Variants in IAH1 observed in about 807,000 individuals in gnomAD.
IAH1 encodes isoamyl acetate-hydrolyzing esterase 1 homolog.
A neutral mutation model predicts 26.7 loss-of-function variants in IAH1; 24 were observed. The ratio of observed to expected loss-of-function variants is 0.90; its 90% CI spans 0.65 to 1.26. The LOEUF is 1.26. Among genes scored for constraint, IAH1 ranks in the 50% most tolerant of loss-of-function variants. The pLI is 0.00. For synonymous variants in IAH1, 140 were observed against 118.5 expected, an observed-to-expected ratio of 1.18 and a Z score of -1.18; for missense variants, 300 against 299.9, an observed-to-expected ratio of 1.00 and a Z score of 0.00.
the IAH1 span, among the ~76,000 whole-genome samples, chr2:9,506,359 GTTTTTTTTTT>G: frequency 6.8e-5 from 5 of 73,208 alleles, no homozygotes; most frequent in South Asian, 4.8e-4. Flanking sequence ...CTTCAAATCT[GTTTTTTTTTT>G]TTTTTTTTTT....
the IAH1 span, chr2:9,502,318 T>C: frequency 2.0e-6 from 3 of 1,510,874 alleles, no homozygotes; most frequent in Non-Finnish European, 2.7e-6. Flanking sequence ...ATTCAAATTA[T>C]GGCCCCATAT....
At chr2:9,502,083 T>C in the IAH1 span, 2 of 1,121,784 alleles carry the variant, frequency 1.8e-6, no homozygotes, top group Non-Finnish European at 2.6e-6. Context: ...AAATAAGGTG[T>C]CTCTCATCTG....
chr2:9,505,494 G>A, the IAH1 span: 2 of 923,628 alleles, frequency 2.2e-6, no homozygotes, highest in South Asian at 3.1e-5. Context: ...TGGAGTTATG[G>A]CAAGGCCACC....
chr2:9,475,151 G>A (rs1682408996), intron 1 of IAH1: 1 of 1,286,046 alleles, frequency 7.8e-7, no homozygotes, highest in Non-Finnish European at 1.0e-6. Flanking sequence ...GAATTAGGTA[G>A]AAAAGGACCA....
At chr2:9,475,887 A>G (rs571344378) in intron 1 of IAH1, 100 bp from the exon 2 acceptor site, 85 of 976,756 alleles carry the variant, frequency 8.7e-5, no homozygotes, top group Non-Finnish European at 1.3e-4. Flanking sequence ...CAAAGCCAAG[A>G]AGGGAGCGCC....
chr2:9,499,176 C>T (rs1662836923), downstream of IAH1, among the ~76,000 whole-genome samples: 1 of 147,754 alleles, frequency 6.8e-6, no homozygotes, highest in Admixed American at 6.7e-5. Flanking sequence ...ATACTGATTC[C>T]TTATCAGGAA....
chr2:9,499,103 CT>C (rs1219981357), downstream of IAH1, among the ~76,000 whole-genome samples: 2 of 97,812 alleles, frequency 2.0e-5, no homozygotes, highest in Non-Finnish European at 4.1e-5. Flanking sequence ...TGCTTTTTTT[CT>C]TTCTTCTTCT....
At chr2:9,502,322 C>T in the IAH1 span, 1 of 1,499,700 alleles carries the variant, frequency 6.7e-7, no homozygotes, top group Admixed American at 1.7e-5. Flanking sequence ...AAATTATGGC[C>T]CCATATCAAA....
At chr2:9,491,206 T>C, downstream of IAH1, 1 of 1,517,750 alleles carries the variant, frequency 6.6e-7, no homozygotes, top group South Asian at 1.1e-5. Context: ...AGTTAGTGAG[T>C]ACTATTTCAT....
rs1661817263 is a variant in IAH1, at chr2:9,488,831, G to C, written c.*502G>C. 6.6e-6 allele frequency: 1 copy of C among 152,210 alleles called. No individual in the cohort carries two copies. The highest frequency in any genetic ancestry group is 1.5e-5 in the Non-Finnish European group (1 of 68,058). 9.4% of individuals were successfully genotyped at this position (152,210 alleles called of 1,614,324 possible). On this transcript the variant is annotated 3_prime_UTR_variant, in exon 6 of 6. Transcript: ENST00000497473. ...TGGGGGGTAGGAGGAGATATGATTA[G>C]TCACAGGTTTGGTTAACTGCCCTCA... is the stretch of plus-strand genomic sequence containing the variant.
intron 4 of IAH1, among the ~76,000 whole-genome samples, chr2:9,482,215 G>C (rs141782560): frequency 6.6e-6 from 1 of 151,928 alleles, no homozygotes; most frequent in Non-Finnish European, 1.5e-5. Flanking sequence ...TTTTAGTAGA[G>C]ACGGGTTTCA....
upstream of IAH1, chr2:9,474,503 G>T: frequency 9.9e-7 from 1 of 1,014,386 alleles, no homozygotes; most frequent in Non-Finnish European, 1.3e-6. This position sits in a 1 kb window ranked among gnomAD's most constrained non-coding sequence, Gnocchi z 4.3. Context: ...CGCAACCCAC[G>T]GGCGGCCACT....
At chr2:9,493,015 T>C (rs200554494), downstream of IAH1, 4,851 of 1,553,514 alleles carry the variant, frequency 3.1e-3, 19 homozygotes, top group Non-Finnish European at 3.2e-3. Context: ...AGTTAATGTC[T>C]TGACCAAGTA....
At position 9,489,026 on chromosome 2, in the gene IAH1, C is replaced by T. The variant is rs138626956; in HGVS notation, c.*697C>T. ...TGGAGCAATAAAGTAAGAAGTAATT[C>T]AAATATCTGCTTGTGGGTCAATAAA... On this transcript the variant is annotated 3_prime_UTR_variant, in exon 6 of 6. Transcript: ENST00000497473. The T allele has an allele frequency of 9.8e-4, 149 of 152,268 alleles. No homozygotes were observed. The highest frequency in any genetic ancestry group is 3.4e-3 in the African/African-American group (142 of 41,544). 9.4% of individuals were successfully genotyped at this position (152,268 alleles called of 1,614,324 possible).
chr2:9,491,113 CAG>C (rs760143401), downstream of IAH1: 6 of 1,613,126 alleles, frequency 3.7e-6, no homozygotes, highest in Non-Finnish European at 5.1e-6. Context: ...TGGGGTGAAA[CAG>C]AGACAGAGAT....
downstream of IAH1, among the ~76,000 whole-genome samples, chr2:9,498,631 A>G (rs1662792476): frequency 6.6e-6 from 1 of 152,234 alleles, no homozygotes; most frequent in African/African-American, 2.4e-5. Flanking sequence ...TAAGTACCCA[A>G]CAGATAACCA....
At chr2:9,501,286 CTCA>C (rs1489672558), downstream of IAH1, among the ~76,000 whole-genome samples, 2 of 152,152 alleles carry the variant, frequency 1.3e-5, no homozygotes, top group Non-Finnish European at 2.9e-5. Context: ...TTACTTTATA[CTCA>C]TCATGCTAAT....
At chr2:9,482,405 C>T (rs758394212) in intron 4 of IAH1, among the ~76,000 whole-genome samples, 2 of 152,196 alleles carry the variant, frequency 1.3e-5, no homozygotes, top group Non-Finnish European at 2.9e-5. Flanking sequence ...AGCTATTTCT[C>T]AAAGTGTGGT....
the IAH1 span, among the ~76,000 whole-genome samples, chr2:9,508,709 G>A: frequency 6.6e-6 from 1 of 152,094 alleles, no homozygotes; most frequent in African/African-American, 2.4e-5. Flanking sequence ...CTACTATACT[G>A]GGCAGAGCAG....
Sources: gnomAD v4.1 joint callset for allele counts (sites outside exome capture counted in the v4.1 genomes callset) on GRCh38, gnomAD v4.1.1 for gene constraint, Gnocchi (gnomAD v3.1) non-coding constraint, MANE v1.5 for transcripts, NCBI Gene and HGNC (gene_info 2026-07-23, HGNC 2026-07-21) for gene names.